The following FAM111A variants were observed in gnomAD, a reference collection of about 807,000 sequenced individuals.
The protein encoded by FAM111A is FAM111 trypsin like peptidase A.
Under a neutral mutation model 3.3 loss-of-function variants are expected in FAM111A, and 8 were observed. That is an observed-to-expected ratio of 2.39 (90% CI 1.40 to 4.32). The LOEUF is 4.32. Among genes scored for constraint, FAM111A ranks in the 30% most tolerant of loss-of-function variants. FAM111A has a pLI of 0.00. For synonymous variants in FAM111A, 227 were observed against 243.1 expected (o/e 0.93, Z 0.62); for missense variants, 683 against 727.6 (o/e 0.94, Z 0.71).
intron 4 of FAM111A, among the ~76,000 whole-genome samples, chr11:59,146,520 T>TAAC (rs1340993278): frequency 2.2e-4 from 34 of 152,250 alleles, no homozygotes; most frequent in African/African-American, 8.2e-4. Context: ...CTCAGACAGT[T>TAAC]TTATAAGTTC....
In FAM111A at chr11:59,153,401, T is replaced by A. The variant is rs1474183727; in HGVS notation, c.1733T>A (p.Met578Lys). Residue 578 changes from methionine to lysine, a missense_variant, in exon 6 of 6, where the codon ATG (methionine) becomes AAG (lysine). Met to Lys is a moderately conservative substitution (Grantham distance 95). This residue lies in a region of FAM111A where 122 missense variants were observed against 110.9 expected (regional missense o/e 1.10). Coordinates refer to ENST00000675163, the MANE Select transcript of FAM111A (RefSeq NM_001312909.2). The stretch of plus-strand genomic sequence containing the variant: ...AGTATCATTGAGTTTGGCTCTACCA[T>A]GGAATCCATCCTCCTTGATATTAAG... ...TRSIIEFGST[M>K]ESILLDIKQR... 1.2e-6 allele frequency: 2 copies of A among 1,614,122 alleles called. No individual in the cohort carries two copies. The highest frequency in any genetic ancestry group is 1.7e-6 in the Non-Finnish European group (2 of 1,180,010).
rs368508077 is a variant in FAM111A at position 59,152,955 on chromosome 11, T to C, written c.1287T>C (p.Pro429=). ...AAACAAACTACTTTTTTGTTGAACC[T>C]TGGTTTGAGATACATAATGAAGAGC... The part of the protein sequence containing the change: ...DKETNYFFVE[P]WFEIHNEELD... The change falls in exon 6 of 6, where the codon CCT becomes CCC. Residue 429 remains proline, a synonymous_variant. Coordinates refer to ENST00000675163, the MANE Select transcript of FAM111A (RefSeq NM_001312909.2). The C allele has an allele frequency of 1.2e-6, 2 of 1,614,010 alleles. No homozygotes were observed. The highest frequency in any genetic ancestry group is 2.7e-5 in the African/African-American group (2 of 74,922).
chr11:59,147,093 A>C (rs1431637332), intron 4 of FAM111A, among the ~76,000 whole-genome samples: 2 of 152,084 alleles, frequency 1.3e-5, no homozygotes, highest in East Asian at 3.8e-4. Flanking sequence ...AACATGAGAG[A>C]TGAGAGTTGG....
In FAM111A at chr11:59,152,231, C is replaced by A; in HGVS notation, c.563C>A (p.Ala188Glu). Reference sequence around the variant, plus strand: ...GAATGTGTCAAATTTTACATTCATGCAATTGGAATTGGGAAGTGTAAAAGA... The same window carrying A: ...GAATGTGTCAAATTTTACATTCATGAAATTGGAATTGGGAAGTGTAAAAGA... ...STECVKFYIH[A>E]IGIGKCKRRI... The change falls in exon 6 of 6, where the codon GCA becomes GAA. Residue 188 changes from alanine (A) to glutamate (E), a missense_variant. Ala to Glu is a moderately radical substitution (Grantham distance 107). Coordinates refer to ENST00000675163, the MANE Select transcript of FAM111A (RefSeq NM_001312909.2). 6.2e-7 allele frequency: 1 copy of A among 1,614,064 alleles called. No homozygotes were observed. The highest frequency in any genetic ancestry group is 8.5e-7 in the Non-Finnish European group (1 of 1,180,026).
chr11:59,147,524 T>G (rs1565200444), intron 4 of FAM111A, among the ~76,000 whole-genome samples: 1 of 152,232 alleles, frequency 6.6e-6, no homozygotes, highest in Non-Finnish European at 1.5e-5. Context: ...CAATCCATAG[T>G]TGTTTACATA....
chr11:59,150,620 C>T (rs10792221), intron 5 of FAM111A, among the ~76,000 whole-genome samples: 36,164 of 151,960 alleles, frequency 0.24, 4,457 homozygotes, highest in African/African-American at 0.31. Context: ...CCTCCACCCC[C>T]GTTTCTTAAG....
Position 59,153,393 on chromosome 11 carries a change from C to T in FAM111A, c.1725C>T (p.Gly575=). 1 of 1,614,126 alleles carries T rather than the reference C, an allele frequency of 6.2e-7. No homozygotes were observed. Among genetic ancestry groups the T allele is most frequent in the Non-Finnish European group, 8.5e-7 (1 of 1,179,982 alleles). ...AGACTCGTAGTATCATTGAGTTTGG[C>T]TCTACCATGGAATCCATCCTCCTTG... ...QNETRSIIEF[G]STMESILLDI... The change falls in exon 6 of 6, where the codon GGC becomes GGT. Residue 575 remains glycine, a synonymous_variant. Coordinates refer to ENST00000675163, the MANE Select transcript of FAM111A (RefSeq NM_001312909.2).
Position 59,153,542 on chromosome 11 carries a change from A to G in FAM111A, c.*38A>G. Reference sequence around the variant, plus strand: ...CTGGATTTAAGGGAATGGCTTATGGAGTTGTTATTTCATAGGCATTGAAAA... The same window carrying G: ...CTGGATTTAAGGGAATGGCTTATGGGGTTGTTATTTCATAGGCATTGAAAA... On this transcript the variant is annotated 3_prime_UTR_variant, in exon 6 of 6. Transcript: ENST00000675163. The G allele has an allele frequency of 6.8e-7, 1 of 1,475,838 alleles. No homozygotes were observed. Among genetic ancestry groups the G allele is most frequent in the Non-Finnish European group, 9.2e-7 (1 of 1,091,760 alleles). 91.4% of individuals were successfully genotyped at this position (1,475,838 alleles called of 1,614,324 possible).
chr11:59,147,763 A>AT (rs1458075134), intron 4 of FAM111A, among the ~76,000 whole-genome samples: 2 of 152,076 alleles, frequency 1.3e-5, no homozygotes, highest in African/African-American at 2.4e-5. Flanking sequence ...CCATTCTCTC[A>AT]TTTTTTCTCT....
rs1449491419 is a variant in FAM111A, at chr11:59,152,013, A to G, written c.345A>G (p.Arg115=). 3 of 1,614,082 alleles carry G rather than the reference A, an allele frequency of 1.9e-6. No homozygotes were observed. The highest frequency in any genetic ancestry group is 2.5e-6 in the Non-Finnish European group (3 of 1,180,038). The part of the protein sequence containing the change: ...YMALNTLQAV[R]KEIETHQGQE... ...CTCTCAACACTCTCCAGGCTGTCAGAAAAGAGATAGAAACTCACCAAGGCC... is the reference window on the plus strand; with the variant it reads ...CTCTCAACACTCTCCAGGCTGTCAGGAAAGAGATAGAAACTCACCAAGGCC... Residue 115 remains arginine (R), a synonymous_variant, in exon 6 of 6, where the codon AGA becomes AGG. Coordinates refer to ENST00000675163, the MANE Select transcript of FAM111A (RefSeq NM_001312909.2).
In FAM111A at chr11:59,152,274, G is replaced by A. The variant is rs541432516; in HGVS notation, c.606G>A (p.Gly202=). The part of the protein sequence containing the change: ...GKCKRRIVKC[G]KLHKKGRKLC... The stretch of plus-strand genomic sequence containing the variant: ...GTAAAAGAAGGATTGTTAAATGTGG[G>A]AAGCTTCACAAAAAGGGGCGCAAAC... The change falls in exon 6 of 6, where the codon GGG becomes GGA. Residue 202 remains glycine (G), a synonymous_variant. Transcript: ENST00000675163. 1.4e-5 allele frequency: 22 copies of A among 1,614,032 alleles called. No individual in the cohort carries two copies. The highest frequency in any genetic ancestry group is 1.8e-5 in the Non-Finnish European group (21 of 1,180,042).
At chr11:59,149,150 C>T in intron 5 of FAM111A, 197 bp downstream of exon 5, 1 of 545,906 alleles carries the variant, frequency 1.8e-6, no homozygotes, top group South Asian at 2.3e-5. Flanking sequence ...TTACCTAATA[C>T]AAGGTAAATG....
intron 5 of FAM111A, among the ~76,000 whole-genome samples, 197 bp from the exon 6 acceptor site, chr11:59,151,553 G>A (rs1411824120): frequency 6.6e-6 from 1 of 152,162 alleles, no homozygotes. Flanking sequence ...GGTACCAAGA[G>A]TTTATCTGAC....
Position 59,153,976 on chromosome 11 carries a change from GT to G in FAM111A, c.*473del, listed in dbSNP as rs1347598919. ...GATCCACCTGCCTCGGCCTTCCAAA[GT>G]GCTGGGATTACAAGTTTGAGCCACT... On this transcript the variant is annotated 3_prime_UTR_variant, in exon 6 of 6. Transcript: ENST00000675163. 6.6e-6 allele frequency: 1 copy of G among 152,190 alleles called. No individual in the cohort carries two copies. The highest frequency in any genetic ancestry group is 1.5e-5 in the Non-Finnish European group (1 of 68,310). 9.4% of individuals were successfully genotyped at this position (152,190 alleles called of 1,614,324 possible). A position where few individuals can be genotyped will look rare whatever the true frequency, so the allele number is the denominator to read the frequency against.
Position 59,152,933 on chromosome 11 carries a change from C to G in FAM111A, c.1265C>G (p.Thr422Arg). The G allele has an allele frequency of 6.2e-7, 1 of 1,614,078 alleles. No individual in the cohort carries two copies. Reference protein sequence around the residue: ...FGYEELKDKETNYFFVEPWFE... With the variant: ...FGYEELKDKERNYFFVEPWFE... ...TATGAAGAGCTAAAAGACAAGGAAA[C>G]AAACTACTTTTTTGTTGAACCTTGG... The change falls in exon 6 of 6, where the codon ACA (threonine) becomes AGA (arginine). Residue 422 changes from threonine to arginine, a missense_variant. Around this residue, in one of 3 missense-constraint regions of FAM111A, gnomAD observed 557 missense variants for 600.2 expected, o/e 0.93. Coordinates refer to ENST00000675163, the MANE Select transcript of FAM111A (RefSeq NM_001312909.2).
rs1338012793 is a variant in FAM111A at position 59,149,002 on chromosome 11, A to G, written c.81+49A>G. On this transcript the variant is annotated intron_variant, in intron 5 of 5. Transcript: ENST00000675163. ...GTAATCTAGTCATCCCTTGGTATCC[A>G]TGTGAGATTTGTTCCAGGACCTCTC... The G allele has an allele frequency of 2.2e-6, 3 of 1,395,014 alleles. No individual in the cohort carries two copies. The African/African-American group carries it at 4.3e-5, about 20-fold the overall frequency. 86.4% of individuals were successfully genotyped at this position (1,395,014 alleles called of 1,614,324 possible).
Position 59,148,794 on chromosome 11 carries a change from C to A in FAM111A, c.-76-3C>A. On this transcript the variant is annotated splice_region_variant and splice_polypyrimidine_tract_variant and intron_variant, in intron 4 of 5. Transcript: ENST00000675163. ...ATCTTTTCCTCTGTACAATTAATGACAGCTTTGAAGATACTGCTATAATTT... is the reference window on the plus strand; with the variant it reads ...ATCTTTTCCTCTGTACAATTAATGAAAGCTTTGAAGATACTGCTATAATTT... 2.1e-6 allele frequency: 2 copies of A among 966,836 alleles called. No homozygotes were observed. The highest frequency in any genetic ancestry group is 1.4e-5 in the South Asian group (1 of 72,526). 59.9% of individuals were successfully genotyped at this position (966,836 alleles called of 1,614,324 possible).
chr11:59,148,920 A>G lies in FAM111A; in HGVS notation c.48A>G (p.Lys16=). 6.2e-7 allele frequency: 1 copy of G among 1,613,780 alleles called. No individual in the cohort carries two copies. The highest frequency in any genetic ancestry group is 8.5e-7 in the Non-Finnish European group (1 of 1,179,668). The change falls in exon 5 of 6, where the codon AAA becomes AAG. Residue 16 remains lysine (K), a synonymous_variant. Transcript: ENST00000675163. ...CACGGAAGCACTCAGTCAATGAAAA[A>G]TGTAATATGAAAATCGAGCACTATT... ...QRSRKHSVNE[K]CNMKIEHYFS...
intron 4 of FAM111A, among the ~76,000 whole-genome samples, chr11:59,146,773 G>C (rs1316081952): frequency 6.6e-6 from 1 of 152,150 alleles, no homozygotes; most frequent in Non-Finnish European, 1.5e-5. Flanking sequence ...ATGACATGAG[G>C]AAACAACCCA....
Sources: gnomAD v4.1 joint callset for allele counts (sites outside exome capture counted in the v4.1 genomes callset) on GRCh38, gnomAD v4.1.1 for gene constraint, gnomAD v4.1.1 regional missense constraint, MANE v1.5 for transcripts, NCBI Gene and HGNC (gene_info 2026-07-23, HGNC 2026-07-21) for gene names.